The following VAMP3 variants were observed in gnomAD, a reference collection of about 807,000 sequenced individuals.
VAMP3 encodes the protein vesicle-associated membrane protein 3.
VAMP3 carries 11 observed loss-of-function variants against 18.1 expected under a neutral mutation model. The ratio of observed to expected loss-of-function variants is 0.61; its 90% CI spans 0.38 to 1.00. The LOEUF (loss-of-function observed/expected upper bound fraction) is 1.00, where lower values mean the gene tolerates loss of function less well. Among genes scored for constraint, VAMP3 ranks in the 50% least tolerant of loss-of-function variants. VAMP3 has a pLI of 0.01. For synonymous variants in VAMP3, 49 were observed against 43.1 expected (o/e 1.14, Z -0.53); for missense variants, 122 against 127.3 (o/e 0.96, Z 0.20).
At chr1:7,773,374 A>C in intron 1 of VAMP3, 68 bp from the exon 2 acceptor site, 1 of 1,316,482 alleles carries the variant, frequency 7.6e-7, no homozygotes, top group Non-Finnish European at 1.1e-6. Flanking sequence ...CCGGAGTAAC[A>C]TCTTTATACT....
At chr1:7,779,588 T>C in intron 4 of VAMP3, 38 bp from the exon 5 acceptor site, 3 of 1,614,118 alleles carry the variant, frequency 1.9e-6, no homozygotes, top group Non-Finnish European at 2.5e-6. Context: ...ACTAACCTGC[T>C]GTTTCCCCTG....
At chr1:7,779,593 C>G (rs1329752108) in intron 4 of VAMP3, 33 bp from the exon 5 acceptor site, 2 of 1,614,058 alleles carry the variant, frequency 1.2e-6, no homozygotes, top group Non-Finnish European at 8.5e-7. Flanking sequence ...CCTGCTGTTT[C>G]CCCTGCCTTT....
intron 4 of VAMP3, among the ~76,000 whole-genome samples, chr1:7,779,349 G>T (rs551167641): frequency 1.3e-4 from 20 of 152,232 alleles, no homozygotes; most frequent in African/African-American, 4.6e-4. Flanking sequence ...GCCATCGGTA[G>T]CCCAGTATAT....
rs750684812 is a variant in VAMP3, at chr1:7,778,141, T to G, written c.255T>G (p.Val85=). Residue 85 remains valine (V), a synonymous_variant, in exon 4 of 5, where the codon GTT becomes GTG. Coordinates refer to ENST00000054666, the MANE Select transcript of VAMP3 (RefSeq NM_004781.4). ...NCKMWAIGIT[V]LVIFIIIIIV... ...AGATGTGGGCAATCGGGATTACTGT[T>G]CTGGTTATCTTCATCATCATCATCA... 6.2e-7 allele frequency: 1 copy of G among 1,614,234 alleles called. No individual in the cohort carries two copies. Among genetic ancestry groups the G allele is most frequent in the Non-Finnish European group, 8.5e-7 (1 of 1,180,042 alleles).
Position 7,777,204 on chromosome 1 carries a change from A to G in VAMP3, c.117A>G (p.Arg39=). The change falls in exon 3 of 5, where the codon AGA becomes AGG. Residue 39 remains arginine (R), a synonymous_variant. Transcript: ENST00000054666. ...MRVNVDKVLE[R]DQKLSELDDR... ...TTAACGTGGACAAGGTTCTGGAAAG[A>G]GACCAGAAGCTCTCTGAGTTAGACG... The G allele has an allele frequency of 6.2e-7, 1 of 1,613,796 alleles. No individual in the cohort carries two copies. The highest frequency in any genetic ancestry group is 2.2e-5 in the East Asian group (1 of 44,882).
chr1:7,773,614 C>G (rs1300958608), intron 2 of VAMP3, 103 bp downstream of exon 2: 2 of 1,097,122 alleles, frequency 1.8e-6, no homozygotes, highest in Non-Finnish European at 2.7e-6. Context: ...AAAGCAAATT[C>G]TGACTGTATC....
At chr1:7,778,006 T>G in intron 3 of VAMP3, 112 bp from the exon 4 acceptor site, 2 of 1,135,498 alleles carry the variant, frequency 1.8e-6, no homozygotes, top group East Asian at 4.7e-5. Flanking sequence ...TACTCCAGAC[T>G]GTATGCACCT....
intron 2 of VAMP3, 153 bp from the exon 3 acceptor site, chr1:7,777,007 C>T: frequency 1.4e-6 from 1 of 698,210 alleles, no homozygotes; most frequent in Non-Finnish European, 2.2e-6. Flanking sequence ...GACAGGGTTT[C>T]CCCATGTTGG....
At chr1:7,772,088 C>T (rs1055919708) in intron 1 of VAMP3, among the ~76,000 whole-genome samples, 4 of 152,206 alleles carry the variant, frequency 2.6e-5, no homozygotes, top group Non-Finnish European at 5.9e-5. Flanking sequence ...TGGTTAAGAT[C>T]TAGAGCCAAG....
intron 4 of VAMP3, among the ~76,000 whole-genome samples, chr1:7,779,051 C>T (rs1274962348): frequency 1.3e-5 from 2 of 151,944 alleles, no homozygotes; most frequent in Non-Finnish European, 1.5e-5. Flanking sequence ...AAAAATTAGC[C>T]GGGTGTGGTC....
Position 7,779,727 on chromosome 1 carries a change from C to A in VAMP3, c.*82C>A. On this transcript the variant is annotated 3_prime_UTR_variant, in exon 5 of 5. Coordinates refer to ENST00000054666, the MANE Select transcript of VAMP3 (RefSeq NM_004781.4). ...AGAACCTGCTATATTATCAAGCTTA[C>A]CTACTGTTATCTCTAAAATTTTTTT... The A allele has an allele frequency of 6.3e-7, 1 of 1,577,194 alleles. No homozygotes were observed. The highest frequency in any genetic ancestry group is 8.6e-7 in the Non-Finnish European group (1 of 1,158,616).
intron 2 of VAMP3, among the ~76,000 whole-genome samples, chr1:7,774,340 C>A (rs2097053051): frequency 7.6e-6 from 1 of 130,982 alleles, no homozygotes; most frequent in Non-Finnish European, 1.7e-5. Context: ...TGTTTACTTA[C>A]AAAATCAAAT....
At chr1:7,773,603 T>A in intron 2 of VAMP3, 92 bp downstream of exon 2, 1 of 1,217,112 alleles carries the variant, frequency 8.2e-7, no homozygotes, top group Non-Finnish European at 1.2e-6. Flanking sequence ...AGTGTGAATG[T>A]AAAGCAAATT....
In VAMP3 at chr1:7,779,834, C is replaced by T. The variant is rs112086928; in HGVS notation, c.*189C>T. ...TCCAAATTAGAAGGCCGGCCCCGTC[C>T]ACATTTTGCACAGTGCCTTTACAGA... is the stretch of plus-strand genomic sequence containing the variant. On this transcript the variant is annotated 3_prime_UTR_variant, in exon 5 of 5. Coordinates refer to ENST00000054666, the MANE Select transcript of VAMP3 (RefSeq NM_004781.4). 54 of 670,818 alleles carry T rather than the reference C, an allele frequency of 8.0e-5. 1 individual carries two copies. The highest frequency in any genetic ancestry group is 7.6e-4 in the African/African-American group (42 of 54,988). 41.6% of individuals were successfully genotyped at this position (670,818 alleles called of 1,614,324 possible). A position where few individuals can be genotyped will look rare whatever the true frequency, so the allele number is the denominator to read the frequency against.
chr1:7,774,349 A>G (rs1036116761), intron 2 of VAMP3, among the ~76,000 whole-genome samples: 4 of 89,968 alleles, frequency 4.4e-5, no homozygotes, highest in Non-Finnish European at 1.0e-4. Flanking sequence ...ACAAAATCAA[A>G]TTGGATTTTT....
chr1:7,778,130 G>A lies in VAMP3; in HGVS notation c.244G>A (p.Gly82Arg), dbSNP rs1190839745. The change falls in exon 4 of 5, where the codon GGG (glycine) becomes AGG (arginine). Residue 82 changes from glycine to arginine, a missense_variant. Physicochemically the swap from Gly to Arg is moderately radical, Grantham distance 125 (BLOSUM62 -2). Coordinates refer to ENST00000054666, the MANE Select transcript of VAMP3 (RefSeq NM_004781.4). The part of the protein sequence containing the change: ...WWKNCKMWAI[G>R]ITVLVIFIII... ...TGTTTTGTTACAGATGTGGGCAATC[G>A]GGATTACTGTTCTGGTTATCTTCAT... 3.1e-6 allele frequency: 5 copies of A among 1,614,074 alleles called. No individual in the cohort carries two copies. Among genetic ancestry groups the A allele is most frequent in the Admixed American group, 3.3e-5 (2 of 60,018 alleles).
Position 7,771,402 on chromosome 1 carries a change from G to C in VAMP3, c.2+17G>C, listed in dbSNP as rs1364938173. 6.4e-7 allele frequency: 1 copy of C among 1,574,020 alleles called. No homozygotes were observed. The highest frequency in any genetic ancestry group is 1.4e-5 in the African/African-American group (1 of 71,416). ...TGCCAAAATGTGAGTGACGCTACGC[G>C]ACGCGGGCGGCTTCGGGCCCCGCAG... On this transcript the variant is annotated intron_variant, in intron 1 of 4. Coordinates refer to ENST00000054666, the MANE Select transcript of VAMP3 (RefSeq NM_004781.4).
chr1:7,773,454 A>G lies in VAMP3; in HGVS notation c.15A>G (p.Pro5=), dbSNP rs748338371. MSTG[P]TAATGSNRRL... Reference sequence around the variant, plus strand: ...TTACATGTTCCAGGTCTACAGGTCCAACTGCTGCCACTGGCAGTAATCGAA... The same window carrying G: ...TTACATGTTCCAGGTCTACAGGTCCGACTGCTGCCACTGGCAGTAATCGAA... Residue 5 remains proline, a synonymous_variant, in exon 2 of 5, where the codon CCA becomes CCG. Coordinates refer to ENST00000054666, the MANE Select transcript of VAMP3 (RefSeq NM_004781.4). 1 of 1,614,188 alleles carries G rather than the reference A, an allele frequency of 6.2e-7. No individual in the cohort carries two copies. Among genetic ancestry groups the G allele is most frequent in the South Asian group, 1.1e-5 (1 of 91,090 alleles).
At chr1:7,778,071 A>G in intron 3 of VAMP3, 47 bp from the exon 4 acceptor site, 1 of 1,600,324 alleles carries the variant, frequency 6.2e-7, no homozygotes. Flanking sequence ...CAACAAGCAC[A>G]TTATGTCTGC....
Sources: allele counts gnomAD v4.1 joint callset (sites outside exome capture counted in the v4.1 genomes callset), GRCh38; gene constraint gnomAD v4.1.1; transcripts MANE v1.5; gene names NCBI Gene and HGNC (gene_info 2026-07-23, HGNC 2026-07-21).